Variants in LINGO1 observed in about 807,000 individuals in gnomAD.
LINGO1 encodes the protein leucine-rich repeat and immunoglobulin-like domain-containing nogo receptor-interacting protein 1.
A neutral mutation model predicts 37.3 loss-of-function variants in LINGO1; 11 were observed. The ratio of observed to expected loss-of-function variants is 0.29; its 90% CI spans 0.19 to 0.49. The LOEUF (loss-of-function observed/expected upper bound fraction) is 0.49, where lower values mean the gene tolerates loss of function less well. Among genes scored for constraint, LINGO1 ranks in the 20% least tolerant of loss-of-function variants. The pLI, the probability that LINGO1 is intolerant of heterozygous loss-of-function variation, is 0.99. For synonymous variants in LINGO1, 387 were observed against 403.0 expected (o/e 0.96, Z 0.48); for missense variants, 585 against 878.2 (o/e 0.67, Z 4.22).
intron 3 of LINGO1, among the ~76,000 whole-genome samples, chr15:77,641,102 G>A (rs1880327070): frequency 6.6e-6 from 1 of 152,222 alleles, no homozygotes. Context: ...AACAGCAGGT[G>A]CAAAGGCTGG....
At chr15:77,814,976 C>G (rs1486331111) in intron 1 of LINGO1, among the ~76,000 whole-genome samples, 4 of 152,226 alleles carry the variant, frequency 2.6e-5, no homozygotes, top group Non-Finnish European at 5.9e-5. Flanking sequence ...CTAACTGGAT[C>G]AGTCCTGGGC....
At chr15:77,719,383 T>C (rs1248253133) in intron 2 of LINGO1, among the ~76,000 whole-genome samples, 1 of 149,892 alleles carries the variant, frequency 6.7e-6, no homozygotes, top group Non-Finnish European at 1.5e-5. Context: ...GGTGGTCAAC[T>C]GAGTGCCCCT....
At chr15:77,810,361 CAG>C (rs1491556487) in intron 1 of LINGO1, among the ~76,000 whole-genome samples, 1 of 151,978 alleles carries the variant, frequency 6.6e-6, no homozygotes, top group Non-Finnish European at 1.5e-5. Flanking sequence ...CACACACACA[CAG>C]AGGAATCTAG....
At chr15:77,671,281 G>A (rs2075243465) in intron 3 of LINGO1, among the ~76,000 whole-genome samples, 1 of 152,192 alleles carries the variant, frequency 6.6e-6, no homozygotes, top group Non-Finnish European at 1.5e-5. Context: ...GGGAAAGGGA[G>A]GGAAGAGGGG....
chr15:77,751,486 G>A (rs1415467031), intron 1 of LINGO1, among the ~76,000 whole-genome samples: 1 of 152,176 alleles, frequency 6.6e-6, no homozygotes, highest in African/African-American at 2.4e-5. Context: ...TGATAGTTGG[G>A]GGCAATGCCC....
upstream of LINGO1, among the ~76,000 whole-genome samples, chr15:77,633,592 A>T (rs111329801): frequency 0.2 from 30,658 of 152,200 alleles, 6,644 homozygotes; most frequent in African/African-American, 0.55. Flanking sequence ...GTCCCCGCCC[A>T]GCCTGGCTTC....
At chr15:77,784,842 C>T (rs1437915176) in intron 1 of LINGO1, 1 of 152,066 alleles carries the variant, frequency 6.6e-6, no homozygotes. Flanking sequence ...TACTGCAGAC[C>T]CCAGCGCTGT....
chr15:77,744,482 C>T (rs1464183295), intron 1 of LINGO1, among the ~76,000 whole-genome samples: 3 of 152,084 alleles, frequency 2.0e-5, no homozygotes, highest in South Asian at 2.1e-4. Context: ...TGCACTGCGC[C>T]GAGATGGCAC....
At chr15:77,709,814 A>C (rs1429638003) in intron 2 of LINGO1, among the ~76,000 whole-genome samples, 2 of 152,224 alleles carry the variant, frequency 1.3e-5, no homozygotes, top group Admixed American at 6.5e-5. Flanking sequence ...CCTACGGTGT[A>C]CAAGGCCCTG....
chr15:77,787,551 G>C (rs1350459787), upstream of LINGO1, among the ~76,000 whole-genome samples: 1 of 151,830 alleles, frequency 6.6e-6, no homozygotes. Flanking sequence ...GGGGACTGGA[G>C]GGGGCTTCAG....
At position 77,680,820 on chromosome 15, in the gene LINGO1, G is replaced by A. The variant is rs1192244950; in HGVS notation, c.-98-3646C>T. Among the ~76,000 whole-genome samples, 3 of 152,184 alleles carry A rather than the reference G, an allele frequency of 2.0e-5. No individual in the cohort carries two copies. In the East Asian group the frequency reaches 5.8e-4, roughly 29 times the overall value. On this transcript the variant is annotated intron_variant, in intron 2 of 3. Coordinates refer to the LINGO1 transcript ENST00000559893. ...CAGGGAGATAAGGAAAACTCCCGCA[G>A]GGCCTTGGAGTGCAAACTTAATTGC... is the stretch of plus-strand genomic sequence containing the variant.
chr15:77,796,705 T>C (rs1380251939), intron 1 of LINGO1, among the ~76,000 whole-genome samples: 2 of 99,304 alleles, frequency 2.0e-5, no homozygotes, highest in Non-Finnish European at 2.1e-5. Flanking sequence ...CCCCAGCCTC[T>C]CCTGCCTTTT....
At chr15:77,664,385 G>A (rs1376688637) in intron 3 of LINGO1, among the ~76,000 whole-genome samples, 1 of 152,116 alleles carries the variant, frequency 6.6e-6, no homozygotes, top group East Asian at 1.9e-4. Flanking sequence ...AGGCCTGTCT[G>A]TTATGGGAAG....
upstream of LINGO1, among the ~76,000 whole-genome samples, chr15:77,637,819 C>T (rs776279135): frequency 6.6e-6 from 1 of 152,194 alleles, no homozygotes; most frequent in Non-Finnish European, 1.5e-5. This position sits in a 1 kb window ranked among gnomAD's most constrained non-coding sequence, Gnocchi z 4.6. Flanking sequence ...CCTCCAGTTT[C>T]CACAGCCAGC....
intron 1 of LINGO1, among the ~76,000 whole-genome samples, chr15:77,735,471 G>C (rs2076195164): frequency 6.6e-6 from 1 of 152,218 alleles, no homozygotes; most frequent in African/African-American, 2.4e-5. Context: ...GTCCCAAGGA[G>C]CACAGAGGAG....
At chr15:77,748,909 C>CTTTTTTT (rs67399483) in intron 1 of LINGO1, among the ~76,000 whole-genome samples, 1 of 87,792 alleles carries the variant, frequency 1.1e-5, no homozygotes, top group African/African-American at 4.3e-5. Context: ...CCTTCCTTCT[C>CTTTTTTT]TTTTTTTTTT....
At chr15:77,762,202 G>A (rs1185248523) in intron 1 of LINGO1, among the ~76,000 whole-genome samples, 1 of 152,204 alleles carries the variant, frequency 6.6e-6, no homozygotes, top group African/African-American at 2.4e-5. Context: ...CGAGGCGTGG[G>A]TAGAAACTGT....
chr15:77,625,705 G>A (rs557729987), intron 1 of LINGO1, among the ~76,000 whole-genome samples: 1 of 152,236 alleles, frequency 6.6e-6, no homozygotes, highest in East Asian at 1.9e-4. Flanking sequence ...GGCAGACCTG[G>A]GACTGGGCCT....
chr15:77,727,298 T>C (rs1026424843), intron 2 of LINGO1, among the ~76,000 whole-genome samples: 8 of 152,234 alleles, frequency 5.3e-5, no homozygotes, highest in South Asian at 2.1e-4. Context: ...CTCATGTTCA[T>C]TGTAGCATTA....
Sources: gnomAD v4.1 joint callset for allele counts (sites outside exome capture counted in the v4.1 genomes callset) on GRCh38, gnomAD v4.1.1 for gene constraint, Gnocchi (gnomAD v3.1) non-coding constraint, MANE v1.5 for transcripts, NCBI Gene and HGNC (gene_info 2026-07-23, HGNC 2026-07-21) for gene names.